Variants in HERC3 observed in about 807,000 individuals in gnomAD.
HERC3 encodes the protein HECT and RLD domain containing E3 ubiquitin protein ligase 3.
A neutral mutation model predicts 129.9 loss-of-function variants in HERC3; 58 were observed. The ratio of observed to expected loss-of-function variants is 0.45; its 90% CI spans 0.36 to 0.56. HERC3 has a LOEUF of 0.56. Among genes scored for constraint, HERC3 ranks in the 20% least tolerant of loss-of-function variants. The pLI is 0.00. For missense variants in HERC3, 835 were observed against 1,244.2 expected (o/e 0.67, Z 4.95); for synonymous variants, 430 against 451.0 (o/e 0.95, Z 0.59).
chr4:88,639,897 A>AC (rs985590388), intron 3 of HERC3, among the ~76,000 whole-genome samples: 1 of 151,956 alleles, frequency 6.6e-6, no homozygotes, highest in South Asian at 2.1e-4. Flanking sequence ...GAAAAAAAAA[A>AC]CCCCTTCATA....
At chr4:88,603,968 T>C (rs1723317576) in intron 2 of HERC3, among the ~76,000 whole-genome samples, 1 of 152,172 alleles carries the variant, frequency 6.6e-6, no homozygotes, top group Non-Finnish European at 1.5e-5. Flanking sequence ...GAAAGGAAAT[T>C]TAAAGACAAT....
At chr4:88,693,171 G>T in intron 23 of HERC3, 1 of 984,720 alleles carries the variant, frequency 1.0e-6, no homozygotes, top group Non-Finnish European at 1.2e-6. Flanking sequence ...TTGTTTGTAT[G>T]TTCTTTTTTA....
At chr4:88,604,074 G>A (rs1560664015) in intron 2 of HERC3, among the ~76,000 whole-genome samples, 1 of 151,460 alleles carries the variant, frequency 6.6e-6, no homozygotes. Flanking sequence ...AAGCTGGAGT[G>A]CAATGGCGTG....
intron 7 of HERC3, 54 bp from the exon 8 acceptor site, chr4:88,655,120 A>G (rs1729741264): frequency 6.3e-7 from 1 of 1,598,172 alleles, no homozygotes; most frequent in South Asian, 1.1e-5. Context: ...TACAGGGTTT[A>G]GAGGTATACC....
chr4:88,544,945 A>G, the HERC3 span, among the ~76,000 whole-genome samples: 1 of 152,088 alleles, frequency 6.6e-6, no homozygotes, highest in Non-Finnish European at 1.5e-5. Flanking sequence ...AGAAATACCT[A>G]ATGTAAATGA....
intron 3 of HERC3, among the ~76,000 whole-genome samples, chr4:88,621,943 C>T (rs967483036): frequency 6.6e-6 from 1 of 152,114 alleles, no homozygotes; most frequent in African/African-American, 2.4e-5. Flanking sequence ...AAGTTTGGAC[C>T]CATCCTCCAC....
chr4:88,678,513 A>G (rs1262801593), intron 19 of HERC3, among the ~76,000 whole-genome samples: 1 of 152,216 alleles, frequency 6.6e-6, no homozygotes, highest in East Asian at 1.9e-4. Context: ...AAATAGGAAA[A>G]TGGAAAGGTA....
At chr4:88,677,145 A>AG (rs1732261741) in intron 18 of HERC3, among the ~76,000 whole-genome samples, 1 of 152,136 alleles carries the variant, frequency 6.6e-6, no homozygotes. Flanking sequence ...AAAAAAAAAA[A>AG]GAAATGTAGA....
the HERC3 span, among the ~76,000 whole-genome samples, chr4:88,543,666 A>G: frequency 2.6e-5 from 4 of 152,176 alleles, no homozygotes; most frequent in Admixed American, 6.6e-5. Flanking sequence ...GAGGCATCAC[A>G]CTACCTGACT....
chr4:88,704,167 C>T lies in HERC3; in HGVS notation c.2727C>T (p.Phe909=). Residue 909 remains phenylalanine (F), a synonymous_variant, in exon 24 of 26, where the codon TTC becomes TTT. Transcript: ENST00000402738. ...CAGTTCATGAATGGTACACAGCCTT[C>T]TCTAGTGGCTTCCTAAAGGTGTGTG... ...QISVHEWYTA[F]SSGFLKVCGG... is the part of the protein sequence containing the mutation. 2 of 1,614,088 alleles carry T rather than the reference C, an allele frequency of 1.2e-6. No individual in the cohort carries two copies. The highest frequency in any genetic ancestry group is 1.7e-6 in the Non-Finnish European group (2 of 1,179,946).
intron 25 of HERC3, among the ~76,000 whole-genome samples, chr4:88,705,402 C>T (rs1365468535): frequency 6.6e-6 from 1 of 152,154 alleles, no homozygotes; most frequent in Non-Finnish European, 1.5e-5. Flanking sequence ...AGTTGTGAAA[C>T]TAACACACAG....
Position 88,697,595 on chromosome 4 carries a change from C to T in HERC3, c.2658-6503C>T, listed in dbSNP as rs1019510282. ...GCATTCTCTGCAGGGGTCTGGGGCT[C>T]CTCAGCCATCTGACCAGCCGCGCTG... On this transcript the variant is annotated intron_variant, in intron 23 of 25. Coordinates refer to ENST00000402738, the MANE Select transcript of HERC3 (RefSeq NM_014606.3). 3 of 1,613,874 alleles carry T rather than the reference C, an allele frequency of 1.9e-6. No individual in the cohort carries two copies. The African/African-American group carries it at 4.0e-5, about 22-fold the overall frequency.
In HERC3 at chr4:88,626,375, A is replaced by G. The variant is rs2924930; in HGVS notation, c.226+20326A>G. Reference sequence around the variant, plus strand: ...TGTTTTTATTACTTATAGACTTATTATAGATTATTATTTCTTCCTTAAATG... The same window carrying G: ...TGTTTTTATTACTTATAGACTTATTGTAGATTATTATTTCTTCCTTAAATG... On this transcript the variant is annotated intron_variant, in intron 3 of 25. Coordinates refer to ENST00000402738, the MANE Select transcript of HERC3 (RefSeq NM_014606.3). 3.2e-3 allele frequency among the ~76,000 whole-genome samples: 483 copies of G among 152,134 alleles called. 14 individuals carry two copies. In the East Asian group the frequency reaches 0.085, roughly 27 times the overall value.
At chr4:88,588,126 C>T (rs193278852), upstream of HERC3, among the ~76,000 whole-genome samples, 1 of 152,288 alleles carries the variant, frequency 6.6e-6, no homozygotes, top group Admixed American at 6.5e-5. Flanking sequence ...GATTCTTATG[C>T]TTCATCCAAA....
chr4:88,664,112 A>C, intron 11 of HERC3, 41 bp from the exon 12 acceptor site: 1 of 1,539,156 alleles, frequency 6.5e-7, no homozygotes, highest in Non-Finnish European at 8.9e-7. Flanking sequence ...ATTTATTTGT[A>C]ATTATTAAAG....
the HERC3 span, among the ~76,000 whole-genome samples, chr4:88,533,661 A>C: frequency 6.6e-6 from 1 of 152,162 alleles, no homozygotes; most frequent in Non-Finnish European, 1.5e-5. Flanking sequence ...CATTTCTTAC[A>C]ATTTGTTTCT....
At chr4:88,704,731 T>C (rs749690270) in intron 25 of HERC3, 121 bp downstream of exon 25, 1 of 655,220 alleles carries the variant, frequency 1.5e-6, no homozygotes, top group Non-Finnish European at 2.7e-6. Flanking sequence ...GGTAATTCAC[T>C]ATATGTATGC....
At chr4:88,583,935 C>G in the HERC3 span, 6 of 152,332 alleles carry the variant, frequency 3.9e-5, no homozygotes, top group South Asian at 1.2e-3. Context: ...TGGCAATTAA[C>G]CTGGTGACAG....
chr4:88,549,177 G>C, the HERC3 span, among the ~76,000 whole-genome samples: 5 of 152,062 alleles, frequency 3.3e-5, no homozygotes, highest in Non-Finnish European at 5.9e-5. Context: ...ATATAAAGTA[G>C]AAATAAAAAC....
Sources: gnomAD v4.1 joint callset for allele counts (sites outside exome capture counted in the v4.1 genomes callset) on GRCh38, gnomAD v4.1.1 for gene constraint, MANE v1.5 for transcripts, NCBI Gene and HGNC (gene_info 2026-07-23, HGNC 2026-07-21) for gene names.